The following RHOBTB1 variants were observed in gnomAD, a reference collection of about 807,000 sequenced individuals.
RHOBTB1 encodes Rho related BTB domain containing 1, also known as rho-related BTB domain-containing protein 1.
Under a neutral mutation model 71.6 loss-of-function variants are expected in RHOBTB1, and 40 were observed. That is an observed-to-expected ratio of 0.56 (90% CI 0.43 to 0.73). The LOEUF (loss-of-function observed/expected upper bound fraction) is 0.73, where lower values mean the gene tolerates loss of function less well. Ranked by LOEUF, RHOBTB1 falls within the 30% of genes least tolerant of loss-of-function variation. The pLI is 0.00. For synonymous variants in RHOBTB1, 319 were observed against 334.9 expected, an observed-to-expected ratio of 0.95 and a Z score of 0.52; for missense variants, 797 against 894.0, an observed-to-expected ratio of 0.89 and a Z score of 1.38.
chr10:60,863,667 G>A, the RHOBTB1 span, among the ~76,000 whole-genome samples: 2,058 of 152,070 alleles, frequency 0.014, 25 homozygotes, highest in East Asian at 0.025. Flanking sequence ...CGAGTAGCTG[G>A]GACTACAGGT....
intron 7 of RHOBTB1, among the ~76,000 whole-genome samples, chr10:60,882,453 A>G (rs888952769): frequency 6.6e-6 from 1 of 152,240 alleles, no homozygotes; most frequent in African/African-American, 2.4e-5. Flanking sequence ...TTACTGCTAC[A>G]TTAAAAGTAA....
chr10:60,949,777 T>A (rs2085351898), intron 2 of RHOBTB1, among the ~76,000 whole-genome samples: 1 of 151,632 alleles, frequency 6.6e-6, no homozygotes, highest in African/African-American at 2.4e-5. Flanking sequence ...ATTACCCATT[T>A]AAAGACAGAA....
At chr10:60,862,439 C>A in the RHOBTB1 span, among the ~76,000 whole-genome samples, 22,537 of 151,976 alleles carry the variant, frequency 0.15, 1,959 homozygotes, top group South Asian at 0.26. Context: ...CTCAGGTGAT[C>A]CGCCTACCTC....
chr10:60,916,023 C>A (rs1422485690), intron 2 of RHOBTB1, among the ~76,000 whole-genome samples: 1 of 152,180 alleles, frequency 6.6e-6, no homozygotes, highest in Admixed American at 6.5e-5. Context: ...AGAAAAAAAA[C>A]TCCTACCTTT....
chr10:60,979,023 T>A (rs2086405942), intron 2 of RHOBTB1, among the ~76,000 whole-genome samples: 1 of 152,200 alleles, frequency 6.6e-6, no homozygotes, highest in East Asian at 1.9e-4. Flanking sequence ...AAACAGTGAC[T>A]AATTTTTGGT....
At chr10:60,968,141 A>C (rs1422778427) in intron 2 of RHOBTB1, among the ~76,000 whole-genome samples, 1 of 152,098 alleles carries the variant, frequency 6.6e-6, no homozygotes, top group African/African-American at 2.4e-5. Context: ...TTCACCAGCC[A>C]ATTCAAATGT....
intron 5 of RHOBTB1, among the ~76,000 whole-genome samples, chr10:60,891,806 G>C (rs899880294): frequency 6.6e-6 from 1 of 152,122 alleles, no homozygotes; most frequent in Non-Finnish European, 1.5e-5. Context: ...GTTTGGCTAT[G>C]TCCCCACTCA....
chr10:60,861,307 C>T, the RHOBTB1 span, among the ~76,000 whole-genome samples: 1 of 152,082 alleles, frequency 6.6e-6, no homozygotes, highest in Non-Finnish European at 1.5e-5. Context: ...GCATATGTTC[C>T]GATATTGGTC....
intron 2 of RHOBTB1, among the ~76,000 whole-genome samples, chr10:60,980,889 T>C (rs916935813): frequency 2.6e-5 from 4 of 152,198 alleles, no homozygotes; most frequent in Non-Finnish European, 2.9e-5. Flanking sequence ...AAAGAGCCAC[T>C]TCCCTCTCTG....
intron 4 of RHOBTB1, among the ~76,000 whole-genome samples, chr10:60,909,894 G>A (rs2082879397): frequency 6.6e-6 from 1 of 152,124 alleles, no homozygotes. Context: ...AACTCTTTCA[G>A]CAGTTTATTC....
chr10:60,863,133 G>T, the RHOBTB1 span, among the ~76,000 whole-genome samples: 2 of 152,142 alleles, frequency 1.3e-5, no homozygotes, highest in Non-Finnish European at 2.9e-5. Flanking sequence ...TTTTTAGAAA[G>T]AAATTGCTGT....
intron 1 of RHOBTB1, among the ~76,000 whole-genome samples, chr10:60,989,362 ATAAG>A (rs1358419151): frequency 2.6e-5 from 4 of 152,224 alleles, no homozygotes; most frequent in African/African-American, 9.6e-5. Flanking sequence ...ATTTCATTGC[ATAAG>A]TATATTTTAT....
At chr10:60,971,168 A>G (rs769667262) in intron 2 of RHOBTB1, among the ~76,000 whole-genome samples, 5 of 152,012 alleles carry the variant, frequency 3.3e-5, no homozygotes, top group African/African-American at 4.8e-5. Flanking sequence ...TTCACTTTGT[A>G]TTTGTAGAAA....
chr10:60,989,625 TA>T (rs2086788436), intron 1 of RHOBTB1, among the ~76,000 whole-genome samples: 1 of 152,204 alleles, frequency 6.6e-6, no homozygotes, highest in Non-Finnish European at 1.5e-5. Flanking sequence ...ACCTCTGCCT[TA>T]GCACCTTGTT....
rs986550870 is a variant in RHOBTB1, at chr10:60,886,097, T to C, written c.1575+15A>G. 1 of 1,580,330 alleles carries C rather than the reference T, an allele frequency of 6.3e-7. No homozygotes were observed. Among genetic ancestry groups the C allele is most frequent in the Non-Finnish European group, 8.7e-7 (1 of 1,149,234 alleles). ...ATTCATAAAGACACCACTATGCTTT[T>C]AGGAAGGCACGTACCTCACTGTTGG... On this transcript the variant is annotated intron_variant, in intron 7 of 10. Transcript: ENST00000337910.
At chr10:60,966,520 A>AGGG (rs2085964233) in intron 2 of RHOBTB1, among the ~76,000 whole-genome samples, 1 of 151,704 alleles carries the variant, frequency 6.6e-6, no homozygotes, top group African/African-American at 2.4e-5. Context: ...AAAAAAAAAA[A>AGGG]AGTTGGAAAC....
chr10:60,972,341 G>T (rs1206580261), intron 2 of RHOBTB1, among the ~76,000 whole-genome samples: 1 of 152,100 alleles, frequency 6.6e-6, no homozygotes, highest in Non-Finnish European at 1.5e-5. Context: ...ATACACCATG[G>T]AATACTATGC....
Position 60,871,608 on chromosome 10 carries a change from C to G in RHOBTB1, c.1965G>C (p.Trp655Cys). 3 of 1,614,084 alleles carry G rather than the reference C, an allele frequency of 1.9e-6. No homozygotes were observed. Among genetic ancestry groups the G allele is most frequent in the Admixed American group, 1.7e-5 (1 of 60,012 alleles). Residue 655 changes from tryptophan (W) to cysteine (C), a missense_variant, in exon 11 of 11, where the codon TGG becomes TGC. Trp to Cys is a radical substitution (Grantham distance 215). Transcript: ENST00000337910. ...GGTAGTGATCTTCTTCCTTCAGGTA[C>G]CACACAGGGGGCCAGCGGTGCCGCT... ...YFERHRWPPV[W>C]YLKEEDHYQR...
chr10:60,956,430 C>CTAT (rs1358777132), intron 2 of RHOBTB1, among the ~76,000 whole-genome samples: 1 of 152,016 alleles, frequency 6.6e-6, no homozygotes. Context: ...TCAGGCTACA[C>CTAT]TATATTCATA....
Sources: allele counts gnomAD v4.1 joint callset (sites outside exome capture counted in the v4.1 genomes callset), GRCh38; gene constraint gnomAD v4.1.1; transcripts MANE v1.5; gene names NCBI Gene and HGNC (gene_info 2026-07-23, HGNC 2026-07-21).